Variants in PCDH15 observed in about 807,000 individuals in gnomAD.
The protein encoded by PCDH15 is protocadherin related 15.
PCDH15 carries 129 observed loss-of-function variants against 178.5 expected under a neutral mutation model. The observed-to-expected ratio is 0.72, with a 90% CI of 0.63 to 0.84. The LOEUF is 0.84. Among genes scored for constraint, PCDH15 ranks in the 40% least tolerant of loss-of-function variants. The pLI, the probability that PCDH15 is intolerant of heterozygous loss-of-function variation, is 0.00. For missense variants in PCDH15, 2,230 were observed against 2,099.9 expected, an observed-to-expected ratio of 1.06 and a Z score of -1.21; for synonymous variants, 800 against 732.0, an observed-to-expected ratio of 1.09 and a Z score of -1.50.
At chr10:53,940,447 C>G (rs1056751550) in intron 24 of PCDH15, among the ~76,000 whole-genome samples, 1 of 151,978 alleles carries the variant, frequency 6.6e-6, no homozygotes, top group African/African-American at 2.4e-5. Context: ...CCTTGAAGTT[C>G]CTTCAGGATT....
At chr10:53,839,202 CAA>C (rs758823713) in intron 29 of PCDH15, among the ~76,000 whole-genome samples, 1 of 74,594 alleles carries the variant, frequency 1.3e-5, no homozygotes, top group Non-Finnish European at 2.5e-5. Flanking sequence ...GTCTCCGTCT[CAA>C]AAAAAAAAAA....
At chr10:54,041,416 G>T (rs890126342) in intron 18 of PCDH15, among the ~76,000 whole-genome samples, 1 of 151,834 alleles carries the variant, frequency 6.6e-6, no homozygotes, top group Admixed American at 6.6e-5. Context: ...TCAGGGCTGG[G>T]GCTCTAACTA....
rs544166073 is a variant in PCDH15, at chr10:55,498,777, A to G, written c.-156+128848T>C. ...GCCTCCCAAACTCCTATCCCTTGCT[A>G]TGCATGCTACATAATGGCCTCATGA... On this transcript the variant is annotated intron_variant, in intron 2 of 5. Transcript: ENST00000613346. Among the ~76,000 whole-genome samples, 9 of 151,970 alleles carry G rather than the reference A, an allele frequency of 5.9e-5. No individual in the cohort carries two copies. In the South Asian group the frequency reaches 8.3e-4, roughly 14 times the overall value.
At chr10:53,850,281 A>C (rs1266430074) in intron 28 of PCDH15, among the ~76,000 whole-genome samples, 1 of 152,184 alleles carries the variant, frequency 6.6e-6, no homozygotes, top group East Asian at 1.9e-4. Context: ...TCAAAGAGTT[A>C]AGCATTAAAG....
At chr10:54,693,481 G>A (rs1591093469) in intron 1 of PCDH15, among the ~76,000 whole-genome samples, 1 of 151,992 alleles carries the variant, frequency 6.6e-6, no homozygotes, top group African/African-American at 2.4e-5. Context: ...CTTAATATTT[G>A]CAGTAGAAAC....
At position 54,346,362 on chromosome 10, in the gene PCDH15, T is replaced by C; in HGVS notation, c.594+3A>G. On this transcript the variant is annotated splice_donor_region_variant and intron_variant, in intron 6 of 37. Coordinates refer to ENST00000644397, the MANE Select transcript of PCDH15 (RefSeq NM_001384140.1). ...ATTACATTGCAAATAGGTATTTACA[T>C]ACCGGATCATCTGGATTATACTGAA... The C allele has an allele frequency of 6.2e-7, 1 of 1,612,706 alleles. No homozygotes were observed. The highest frequency in any genetic ancestry group is 8.5e-7 in the Non-Finnish European group (1 of 1,178,952).
chr10:54,331,588 T>G (rs1002925726), intron 6 of PCDH15, among the ~76,000 whole-genome samples: 2 of 152,016 alleles, frequency 1.3e-5, no homozygotes, highest in African/African-American at 4.8e-5. Context: ...AACATGTAAG[T>G]TGAATATGGG....
chr10:54,707,601 A>G (rs1473541031), intron 1 of PCDH15, among the ~76,000 whole-genome samples: 2 of 152,216 alleles, frequency 1.3e-5, no homozygotes, highest in Non-Finnish European at 2.9e-5. Flanking sequence ...GAAAATACAC[A>G]GCCTATCTGA....
intron 26 of PCDH15, among the ~76,000 whole-genome samples, chr10:53,901,813 T>C (rs2082354713): frequency 6.6e-6 from 1 of 152,196 alleles, no homozygotes; most frequent in African/African-American, 2.4e-5. Context: ...GGTCACTGTT[T>C]CAGTTTTATC....
chr10:54,460,437 C>G (rs2077095703), intron 3 of PCDH15, among the ~76,000 whole-genome samples: 1 of 151,910 alleles, frequency 6.6e-6, no homozygotes, highest in Non-Finnish European at 1.5e-5. Context: ...TTTAAAACGT[C>G]ATTTCAGAAA....
At chr10:54,723,574 C>T (rs1346056745) in intron 1 of PCDH15, among the ~76,000 whole-genome samples, 1 of 151,608 alleles carries the variant, frequency 6.6e-6, no homozygotes, top group African/African-American at 2.4e-5. Context: ...ACAGCTTTTG[C>T]ACAACAAAAT....
intron 2 of PCDH15, among the ~76,000 whole-genome samples, chr10:55,124,866 G>T (rs1167826822): frequency 3.3e-5 from 5 of 152,008 alleles, no homozygotes; most frequent in Non-Finnish European, 7.4e-5. Flanking sequence ...TAGAGAGGTT[G>T]TGTCATCAAA....
chr10:55,076,965 T>G (rs56167179), intron 2 of PCDH15, among the ~76,000 whole-genome samples: 10,600 of 151,438 alleles, frequency 0.07, 717 homozygotes, highest in African/African-American at 0.17. Flanking sequence ...AACGGGGTTT[T>G]GCCATGTTGA....
intron 35 of PCDH15, among the ~76,000 whole-genome samples, chr10:53,814,252 T>C (rs2075980303): frequency 6.6e-6 from 1 of 152,078 alleles, no homozygotes; most frequent in African/African-American, 2.4e-5. Context: ...CTTCAAACAG[T>C]TTTGAAGTAG....
At chr10:53,825,039 T>C in intron 32 of PCDH15, 1 of 1,324,724 alleles carries the variant, frequency 7.5e-7, no homozygotes, top group Non-Finnish European at 9.7e-7. Flanking sequence ...TGGCAAAAGA[T>C]GAAGATCACT....
intron 2 of PCDH15, among the ~76,000 whole-genome samples, chr10:55,344,960 A>G (rs1182618473): frequency 6.6e-6 from 1 of 151,808 alleles, no homozygotes; most frequent in Non-Finnish European, 1.5e-5. Context: ...TATTTTATCG[A>G]CCCTCTTTAT....
chr10:53,836,960 T>A (rs1390653254), intron 29 of PCDH15, among the ~76,000 whole-genome samples: 1 of 152,172 alleles, frequency 6.6e-6, no homozygotes, highest in Admixed American at 6.5e-5. Context: ...GCTAGAAATA[T>A]CTTTCTAAAA....
chr10:53,847,267 C>T (rs2078035648), intron 28 of PCDH15, among the ~76,000 whole-genome samples: 1 of 152,064 alleles, frequency 6.6e-6, no homozygotes, highest in South Asian at 2.1e-4. Context: ...ATAAACCCTA[C>T]TTAGGCTTTT....
In PCDH15 at chr10:54,026,360, T is replaced by G. The variant is rs537775004; in HGVS notation, c.2221-3163A>C. Among the ~76,000 whole-genome samples the G allele has an allele frequency of 2.0e-5, 3 of 152,244 alleles. No individual in the cohort carries two copies. In the South Asian group the frequency reaches 6.2e-4, roughly 32 times the overall value. The stretch of plus-strand genomic sequence containing the variant: ...GCTGAGATTACAGGCATGAGCCATC[T>G]CACCTGGCCGGATAGGAGTTTTTAG... On this transcript the variant is annotated intron_variant, in intron 18 of 37. Transcript: ENST00000644397.
Sources: allele counts gnomAD v4.1 joint callset (sites outside exome capture counted in the v4.1 genomes callset), GRCh38; gene constraint gnomAD v4.1.1; transcripts MANE v1.5; gene names NCBI Gene and HGNC (gene_info 2026-07-23, HGNC 2026-07-21).